The following PSD3 variants were observed in gnomAD, a reference collection of about 807,000 sequenced individuals.
PSD3 encodes PH and SEC7 domain-containing protein 3.
A neutral mutation model predicts 105.5 loss-of-function variants in PSD3; 49 were observed. That is an observed-to-expected ratio of 0.46 (90% CI 0.37 to 0.59). The LOEUF is 0.59. Among genes scored for constraint, PSD3 ranks in the 20% least tolerant of loss-of-function variants. The pLI is 0.00. For missense variants in PSD3, 1,561 were observed against 1,263.8 expected (o/e 1.24, Z -3.57); for synonymous variants, 557 against 457.8 (o/e 1.22, Z -2.77).
At chr8:18,905,544 A>G (rs377215774) in intron 2 of PSD3, among the ~76,000 whole-genome samples, 1 of 151,910 alleles carries the variant, frequency 6.6e-6, no homozygotes, top group African/African-American at 2.4e-5. Flanking sequence ...CTGGTCTCGA[A>G]CTCCTGACCT....
At position 18,804,631 on chromosome 8, in the gene PSD3, T is replaced by C. The variant is rs367882078; in HGVS notation, c.1830-29A>G. On this transcript the variant is annotated intron_variant, in intron 5 of 15. Coordinates refer to ENST00000327040, the MANE Select transcript of PSD3 (RefSeq NM_015310.4). ...TAAGAAAACAGAATAGACTTGGTTATTGAAAGGTAAACTATTTAAAACACA... is the reference window on the plus strand; with the variant it reads ...TAAGAAAACAGAATAGACTTGGTTACTGAAAGGTAAACTATTTAAAACACA... 34 of 1,611,508 alleles carry C rather than the reference T, an allele frequency of 2.1e-5. 2 individuals are homozygous for C. Among genetic ancestry groups the C allele is most frequent in the African/African-American group, 1.3e-4 (10 of 74,972 alleles).
At chr8:19,064,500 G>A (rs750891693) in intron 1 of PSD3, among the ~76,000 whole-genome samples, 4 of 151,950 alleles carry the variant, frequency 2.6e-5, no homozygotes, top group African/African-American at 7.3e-5. Context: ...TGCCTCAAGC[G>A]TTTATCATTT....
At chr8:18,541,175 T>C (rs1800131349) in intron 15 of PSD3, among the ~76,000 whole-genome samples, 1 of 149,508 alleles carries the variant, frequency 6.7e-6, no homozygotes, top group Non-Finnish European at 1.5e-5. Context: ...AAAAAAAACC[T>C]TTTGATTTCC....
chr8:18,582,012 G>C (rs1563345017), intron 12 of PSD3, among the ~76,000 whole-genome samples: 1 of 152,106 alleles, frequency 6.6e-6, no homozygotes, highest in Non-Finnish European at 1.5e-5. Context: ...AAACTGTCTG[G>C]GGGAAAGGAA....
rs74937867 is a variant in PSD3 at position 18,781,780 on chromosome 8, G to A, written c.2083-16242C>T. On this transcript the variant is annotated intron_variant, in intron 8 of 15. Coordinates refer to ENST00000327040, the MANE Select transcript of PSD3 (RefSeq NM_015310.4). Reference sequence around the variant, plus strand: ...TTGAGAAGTTTTTACCTATTATTTCGTTAAATGGGTTTTCTATGCCATTAC... The same window carrying A: ...TTGAGAAGTTTTTACCTATTATTTCATTAAATGGGTTTTCTATGCCATTAC... 4.8e-3 allele frequency among the ~76,000 whole-genome samples: 728 copies of A among 152,070 alleles called. 22 individuals carry two copies. The highest frequency in any genetic ancestry group is 0.035 in the Admixed American group (532 of 15,268).
intron 15 of PSD3, among the ~76,000 whole-genome samples, chr8:18,544,171 C>CAAA (rs201016537): frequency 5.6e-5 from 6 of 106,708 alleles, no homozygotes; most frequent in African/African-American, 9.9e-5. Flanking sequence ...AGAAACAAAC[C>CAAA]AAAAAAAAAA....
At chr8:18,607,095 T>C (rs1362941771) in intron 11 of PSD3, among the ~76,000 whole-genome samples, 1 of 152,184 alleles carries the variant, frequency 6.6e-6, no homozygotes, top group African/African-American at 2.4e-5. Flanking sequence ...CTGCTACTCC[T>C]GTGAGGTGGG....
chr8:18,573,809 A>G (rs1037700868), intron 13 of PSD3, among the ~76,000 whole-genome samples: 9 of 152,296 alleles, frequency 5.9e-5, no homozygotes, highest in African/African-American at 1.7e-4. Flanking sequence ...AGTGACTACA[A>G]AATGCGCACG....
intron 4 of PSD3, among the ~76,000 whole-genome samples, chr8:18,842,208 C>A (rs1456362672): frequency 1.3e-5 from 2 of 152,174 alleles, no homozygotes; most frequent in African/African-American, 4.8e-5. Flanking sequence ...CAGCTTAGAC[C>A]AAAGCCACAG....
At chr8:18,619,776 G>A (rs1224105019) in intron 11 of PSD3, among the ~76,000 whole-genome samples, 2 of 152,148 alleles carry the variant, frequency 1.3e-5, no homozygotes, top group African/African-American at 2.4e-5. Context: ...CCTGACTCTG[G>A]TATAGCATCA....
intron 8 of PSD3, among the ~76,000 whole-genome samples, chr8:18,797,308 A>C (rs773284865): frequency 4.6e-5 from 7 of 152,154 alleles, no homozygotes; most frequent in Non-Finnish European, 8.8e-5. Context: ...TGTTATTGAT[A>C]ATTTTCTCCC....
At chr8:19,009,324 ATGCTAACTT>A (rs1401190045) in intron 1 of PSD3, among the ~76,000 whole-genome samples, 1 of 152,234 alleles carries the variant, frequency 6.6e-6, no homozygotes, top group Non-Finnish European at 1.5e-5. Context: ...GCAACACGCA[ATGCTAACTT>A]TGAGACATAA....
intron 11 of PSD3, among the ~76,000 whole-genome samples, chr8:18,610,084 C>CA (rs906518970): frequency 2.6e-4 from 39 of 152,008 alleles, no homozygotes; most frequent in African/African-American, 4.8e-4. Context: ...TTACACATTA[C>CA]AAAAAAAATC....
intron 9 of PSD3, among the ~76,000 whole-genome samples, chr8:18,727,891 T>G (rs2129429958): frequency 1.3e-5 from 2 of 152,304 alleles, no homozygotes; most frequent in Middle Eastern, 6.8e-3. Context: ...ACTAGTCTAC[T>G]AAGCTACTTT....
At chr8:18,778,638 T>G (rs1185725114) in intron 8 of PSD3, among the ~76,000 whole-genome samples, 1 of 147,788 alleles carries the variant, frequency 6.8e-6, no homozygotes, top group Non-Finnish European at 1.5e-5. Flanking sequence ...TCTAATTTAT[T>G]GAGTTTTTTT....
At chr8:18,645,146 C>G (rs186010554) in intron 10 of PSD3, among the ~76,000 whole-genome samples, 1 of 152,348 alleles carries the variant, frequency 6.6e-6, no homozygotes, top group African/African-American at 2.4e-5. Context: ...ACCTAACAGT[C>G]TCTAATTAGG....
At chr8:18,936,739 C>G (rs1232154630) in intron 1 of PSD3, among the ~76,000 whole-genome samples, 1 of 147,536 alleles carries the variant, frequency 6.8e-6, no homozygotes, top group Non-Finnish European at 1.5e-5. Context: ...GCCTGGGTGA[C>G]AGAGCTAGAC....
intron 9 of PSD3, among the ~76,000 whole-genome samples, chr8:18,714,040 C>T (rs186071820): frequency 6.4e-4 from 97 of 152,236 alleles, no homozygotes; most frequent in Middle Eastern, 3.4e-3. Context: ...AAATGATTCC[C>T]TATTTAATAA....
intron 1 of PSD3, among the ~76,000 whole-genome samples, chr8:18,969,193 ACTTTAATAACAGCTGTAAAGTGCGAAG>A (rs1824479625): frequency 6.6e-6 from 1 of 152,190 alleles, no homozygotes; most frequent in Admixed American, 6.5e-5. Flanking sequence ...ACTGGAATCT[ACTTTAATAACAGCTGTAAAGTGCGAAG>A]CAGTCACATC....
Sources: gnomAD v4.1 joint callset for allele counts (sites outside exome capture counted in the v4.1 genomes callset) on GRCh38, gnomAD v4.1.1 for gene constraint, MANE v1.5 for transcripts, NCBI Gene and HGNC (gene_info 2026-07-23, HGNC 2026-07-21) for gene names.